Variants in TJP3 observed in about 807,000 individuals in gnomAD.
TJP3 encodes tight junction protein ZO-3.
A neutral mutation model predicts 104.2 loss-of-function variants in TJP3; 85 were observed. The ratio of observed to expected loss-of-function variants is 0.82; its 90% CI spans 0.68 to 0.98. TJP3 has a LOEUF of 0.98. TJP3 is among the 50% of genes least tolerant of loss of function. TJP3 has a pLI of 0.00. For synonymous variants in TJP3, 550 were observed against 550.6 expected (o/e 1.00, Z 0.02); for missense variants, 1,367 against 1,322.8 (o/e 1.03, Z -0.52).
chr19:3,731,806 T>A, intron 5 of TJP3, 129 bp from the exon 6 acceptor site: 1 of 655,538 alleles, frequency 1.5e-6, no homozygotes, highest in African/African-American at 1.8e-5. Context: ...GCGACATCAC[T>A]GTTCTCCTTA....
At chr19:3,719,441 T>C (rs968077035) in intron 1 of TJP3, among the ~76,000 whole-genome samples, 1 of 149,634 alleles carries the variant, frequency 6.7e-6, no homozygotes, top group Non-Finnish European at 1.5e-5. Context: ...CTATAAAATA[T>C]GTGTGTGTGT....
At chr19:3,744,987 T>A (rs2036867253) in intron 15 of TJP3, among the ~76,000 whole-genome samples, 1 of 151,610 alleles carries the variant, frequency 6.6e-6, no homozygotes, top group African/African-American at 2.4e-5. Flanking sequence ...GTGGCTCACA[T>A]GTAAAATCTC....
At chr19:3,733,643 G>A in intron 6 of TJP3, 110 bp from the exon 7 acceptor site, 1 of 1,487,600 alleles carries the variant, frequency 6.7e-7, no homozygotes, top group Non-Finnish European at 9.2e-7. Context: ...GCTGTTTTTA[G>A]CAACCTCTGG....
In TJP3 at chr19:3,734,353, T is replaced by C. The variant is rs773501089; in HGVS notation, c.904T>C (p.Ser302Pro). 1 of 1,613,700 alleles carries C rather than the reference T, an allele frequency of 6.2e-7. No homozygotes were observed. The highest frequency in any genetic ancestry group is 8.5e-7 in the Non-Finnish European group (1 of 1,180,020). The change falls in exon 8 of 21, where the codon TCG (serine) becomes CCG (proline). Residue 302 changes from serine to proline, a missense_variant. Transcript: ENST00000541714. ...CATCTCGGACCTCGCCTCGGAGCTA[T>C]CGCAGGCACCACCATCCCACATCCC... ...EDISDLASEL[S>P]QAPPSHIPPP... is the part of the protein sequence containing the mutation.
chr19:3,734,334 G>T lies in TJP3; in HGVS notation c.885G>T (p.Ser295=), dbSNP rs553055182. The T allele has an allele frequency of 6.2e-7, 1 of 1,613,682 alleles. No individual in the cohort carries two copies. The highest frequency in any genetic ancestry group is 8.5e-7 in the Non-Finnish European group (1 of 1,180,000). Residue 295 remains serine, a synonymous_variant, in exon 8 of 21, where the codon TCG becomes TCT. Transcript: ENST00000541714. The part of the protein sequence containing the change: ...DSDSSPLEDI[S]DLASELSQAP... ...TGTCCTCTCCCCCTGCAGACATCTC[G>T]GACCTCGCCTCGGAGCTATCGCAGG...
chr19:3,733,919 A>C lies in TJP3; in HGVS notation c.877+7A>C. On this transcript the variant is annotated splice_region_variant and intron_variant, in intron 7 of 20. Coordinates refer to ENST00000541714, the MANE Select transcript of TJP3 (RefSeq NM_001267560.2). ...GACAGCTCGCCATTGGAGGGTGAGG[A>C]CCTAGAGGTTAGGACCTGGGAGGGG... 1 of 1,613,300 alleles carries C rather than the reference A, an allele frequency of 6.2e-7. No homozygotes were observed. The highest frequency in any genetic ancestry group is 8.5e-7 in the Non-Finnish European group (1 of 1,179,608).
chr19:3,731,906 G>A (rs1462847669), intron 5 of TJP3, 29 bp from the exon 6 acceptor site: 1 of 1,600,940 alleles, frequency 6.2e-7, no homozygotes, highest in South Asian at 1.1e-5. Flanking sequence ...CCAGAGTCCT[G>A]CCTCAGTTTC....
rs1214986214 is a variant in TJP3, at chr19:3,748,007, T to C, written c.2536T>C (p.Ser846Pro). 1.9e-6 allele frequency: 3 copies of C among 1,608,292 alleles called. No homozygotes were observed. The highest frequency in any genetic ancestry group is 2.5e-6 in the Non-Finnish European group (3 of 1,177,928). Residue 846 changes from serine to proline, a missense_variant, in exon 19 of 21, where the codon TCG becomes CCG. By Grantham distance (74) the Ser-to-Pro change is moderately conservative (BLOSUM62 -1). Transcript: ENST00000541714. ...EPPAPALARS[S>P]EPVQADESQS... is the part of the protein sequence containing the mutation. ...CCCGGCTCCAGCCCTGGCCCGGTCCTCGGAGCCCGTGCAGGCAGATGAGTC... is the reference window on the plus strand; with the variant it reads ...CCCGGCTCCAGCCCTGGCCCGGTCCCCGGAGCCCGTGCAGGCAGATGAGTC...
chr19:3,731,306 C>G (rs1198778849), intron 5 of TJP3, among the ~76,000 whole-genome samples: 2 of 152,160 alleles, frequency 1.3e-5, no homozygotes, highest in African/African-American at 4.8e-5. Flanking sequence ...CCTGGATGAT[C>G]TGGGGGGCCC....
At position 3,733,793 on chromosome 19, in the gene TJP3, C is replaced by T. The variant is rs774171214; in HGVS notation, c.758C>T (p.Thr253Ile). The stretch of plus-strand genomic sequence containing the variant: ...AGCCAGAACCTGTCACTGAACGACA[C>T]CCGGCGACTGATTGAGAAGTCAGAA... ...VSSQNLSLND[T>I]RRLIEKSEGK... The change falls in exon 7 of 21, where the codon ACC becomes ATC. Residue 253 changes from threonine to isoleucine, a missense_variant. Coordinates refer to ENST00000541714, the MANE Select transcript of TJP3 (RefSeq NM_001267560.2). 6.2e-7 allele frequency: 1 copy of T among 1,614,196 alleles called. No homozygotes were observed. Among genetic ancestry groups the T allele is most frequent in the South Asian group, 1.1e-5 (1 of 91,084 alleles).
At chr19:3,743,743 T>C in intron 14 of TJP3, 196 bp from the exon 15 acceptor site, 1 of 555,596 alleles carries the variant, frequency 1.8e-6, no homozygotes. Flanking sequence ...TCTGCTAGTG[T>C]TCCATTGGCC....
Position 3,738,416 on chromosome 19 carries a change from C to G in TJP3, c.1285-139C>G, listed in dbSNP as rs2036766343. On this transcript the variant is annotated intron_variant, in intron 11 of 20. Coordinates refer to ENST00000541714, the MANE Select transcript of TJP3 (RefSeq NM_001267560.2). ...TAGGGTGATACCCCAGTCGGAAAGCCCTCGGGGAACTGCCGGGTCCCTTGG... is the reference window on the plus strand; with the variant it reads ...TAGGGTGATACCCCAGTCGGAAAGCGCTCGGGGAACTGCCGGGTCCCTTGG... The G allele has an allele frequency of 1.2e-5, 8 of 674,176 alleles. No individual in the cohort carries two copies. In the East Asian group the frequency reaches 2.1e-4, roughly 18 times the overall value. 41.8% of individuals were successfully genotyped at this position (674,176 alleles called of 1,614,324 possible).
In TJP3 at chr19:3,746,249, C is replaced by T. The variant is rs1157122713; in HGVS notation, c.2010+168C>T. ...GCAGGAGGCCCGAGACAGACAAGGG[C>T]TTCTCGGAGTCAAACAGCAGCCAGC... On this transcript the variant is annotated intron_variant, in intron 16 of 20. Coordinates refer to ENST00000541714, the MANE Select transcript of TJP3 (RefSeq NM_001267560.2). The surrounding 1 kb of genome is among the most constrained non-coding windows in gnomAD (Gnocchi z 4.1). Among the ~76,000 whole-genome samples the T allele has an allele frequency of 6.6e-6, 1 of 152,090 alleles. No homozygotes were observed. Among genetic ancestry groups the T allele is most frequent in the Non-Finnish European group, 1.5e-5 (1 of 68,018 alleles).
At position 3,728,679 on chromosome 19, in the gene TJP3, G is replaced by T; in HGVS notation, c.124G>T (p.Val42Leu). 3.7e-6 allele frequency: 6 copies of T among 1,613,804 alleles called. No individual in the cohort carries two copies. The highest frequency in any genetic ancestry group is 5.1e-6 in the Non-Finnish European group (6 of 1,180,006). Residue 42 changes from valine to leucine, a missense_variant, in exon 3 of 21, where the codon GTG becomes TTG. By Grantham distance (32) the Val-to-Leu change is conservative. Transcript: ENST00000541714. ...RPGGSMVVSD[V>L]VPGGPAEGRL... Reference sequence around the variant, plus strand: ...CGGTGGATCCATGGTTGTATCTGACGTGGTACCTGGAGGGCCGGCGGAGGG... The same window carrying T: ...CGGTGGATCCATGGTTGTATCTGACTTGGTACCTGGAGGGCCGGCGGAGGG...
intron 1 of TJP3, among the ~76,000 whole-genome samples, chr19:3,712,002 C>T (rs1415546500): frequency 1.3e-5 from 2 of 151,170 alleles, no homozygotes; most frequent in Non-Finnish European, 3.0e-5. Flanking sequence ...TCTTGATTGC[C>T]TGTGTGTGTG....
chr19:3,720,924 A>T (rs1189030426), intron 1 of TJP3, among the ~76,000 whole-genome samples: 2 of 89,936 alleles, frequency 2.2e-5, no homozygotes, highest in Admixed American at 1.5e-4. Flanking sequence ...TTTTTTTGAG[A>T]CAGGGTCTCA....
chr19:3,724,766 T>C (rs1273140552), intron 1 of TJP3, among the ~76,000 whole-genome samples: 1 of 152,108 alleles, frequency 6.6e-6, no homozygotes, highest in East Asian at 1.9e-4. Flanking sequence ...CTTGAACTCC[T>C]GGGCTCAAGC....
intron 1 of TJP3, among the ~76,000 whole-genome samples, chr19:3,727,533 A>C (rs1042400613): frequency 6.7e-6 from 1 of 150,028 alleles, no homozygotes; most frequent in African/African-American, 2.4e-5. Context: ...CCTGGCACAA[A>C]GGAAGTGTTT....
Position 3,736,228 on chromosome 19 carries a change from A to AG in TJP3, c.1196dup (p.Asn400GlnfsTer2). 1.3e-6 allele frequency: 2 copies of AG among 1,592,522 alleles called. No individual in the cohort carries two copies. Among genetic ancestry groups the AG allele is most frequent in the South Asian group, 1.1e-5 (1 of 88,474 alleles). On this transcript the variant is annotated frameshift_variant, in exon 11 of 21. Coordinates refer to ENST00000541714, the MANE Select transcript of TJP3 (RefSeq NM_001267560.2). LOFTEE classifies it high-confidence loss of function. ...GCAAGAGCATCGGGCTGCGGCTGGCAGGGGGCAATGACGTGGGCATCTTCG... is the reference window on the plus strand; with the variant it reads ...GCAAGAGCATCGGGCTGCGGCTGGCAGGGGGGCAATGACGTGGGCATCTTCG...
Sources: allele counts gnomAD v4.1 joint callset (sites outside exome capture counted in the v4.1 genomes callset), GRCh38; gene constraint gnomAD v4.1.1; non-coding constraint Gnocchi (gnomAD v3.1); transcripts MANE v1.5; gene names NCBI Gene and HGNC (gene_info 2026-07-23, HGNC 2026-07-21).